The following SCOC variants were observed in gnomAD, a reference collection of about 807,000 sequenced individuals.
SCOC encodes the protein short coiled coil protein.
Under a neutral mutation model 9.9 loss-of-function variants are expected in SCOC, and 7 were observed. The observed-to-expected ratio is 0.71, with a 90% confidence interval of 0.40 to 1.33. The LOEUF (loss-of-function observed/expected upper bound fraction) is 1.33. Among genes scored for constraint, SCOC ranks in the 40% most tolerant of loss-of-function variants. The probability of loss-of-function intolerance (pLI) is 0.01; values close to 1 mark genes in which losing one functional copy is unlikely to be tolerated. For missense variants in SCOC, 66 were observed against 89.7 expected (o/e 0.74, Z 1.07); for synonymous variants, 19 against 28.2 (o/e 0.67, Z 1.03).
At chr4:140,367,640 A>G (rs1216596116) in intron 2 of SCOC, among the ~76,000 whole-genome samples, 1 of 152,160 alleles carries the variant, frequency 6.6e-6, no homozygotes, top group African/African-American at 2.4e-5. Context: ...AGCCTCCCAA[A>G]GTTCTGGGAT....
intron 1 of SCOC, among the ~76,000 whole-genome samples, chr4:140,261,303 T>C (rs1730627443): frequency 6.6e-6 from 1 of 152,204 alleles, no homozygotes; most frequent in Non-Finnish European, 1.5e-5. Context: ...CCTTTAGGGC[T>C]AATGAAAAGA....
At chr4:140,347,083 C>G (rs1023893721) in intron 2 of SCOC, among the ~76,000 whole-genome samples, 1 of 152,150 alleles carries the variant, frequency 6.6e-6, no homozygotes, top group Non-Finnish European at 1.5e-5. Context: ...CAGTGCCCAA[C>G]AGGTGCACAC....
intron 3 of SCOC, among the ~76,000 whole-genome samples, chr4:140,380,279 C>T (rs1029198566): frequency 6.8e-5 from 10 of 146,724 alleles, no homozygotes; most frequent in Non-Finnish European, 1.5e-4. Context: ...CTCCCTGCAA[C>T]CTCTGCCTCC....
At chr4:140,260,093 A>G (rs1356033961) in intron 1 of SCOC, among the ~76,000 whole-genome samples, 1 of 152,204 alleles carries the variant, frequency 6.6e-6, no homozygotes, top group Non-Finnish European at 1.5e-5. Context: ...CTCAGCAAAC[A>G]CTGTCCCATG....
intron 1 of SCOC, among the ~76,000 whole-genome samples, chr4:140,297,129 A>G (rs1731664349): frequency 6.6e-6 from 1 of 152,178 alleles, no homozygotes; most frequent in Non-Finnish European, 1.5e-5. Flanking sequence ...CCATGAAATA[A>G]TGTTTACTGG....
intron 1 of SCOC, among the ~76,000 whole-genome samples, chr4:140,332,136 G>A (rs1732832703): frequency 1.3e-5 from 2 of 152,128 alleles, no homozygotes; most frequent in African/African-American, 4.8e-5. Context: ...TGATCCAACC[G>A]CCTGCTACCA....
chr4:140,317,919 A>G (rs1433453136), intron 1 of SCOC, among the ~76,000 whole-genome samples: 6 of 133,180 alleles, frequency 4.5e-5, no homozygotes, highest in African/African-American at 1.4e-4. Flanking sequence ...TCATTGTTCA[A>G]TTCCCACCTA....
At chr4:140,320,111 G>A (rs1013300337) in intron 1 of SCOC, among the ~76,000 whole-genome samples, 8 of 152,190 alleles carry the variant, frequency 5.3e-5, no homozygotes, top group Non-Finnish European at 1.2e-4. Flanking sequence ...GTCTGCACAA[G>A]ATACGGATCA....
At chr4:140,286,440 C>T (rs887376611) in intron 1 of SCOC, among the ~76,000 whole-genome samples, 17 of 152,038 alleles carry the variant, frequency 1.1e-4, no homozygotes, top group Non-Finnish European at 2.1e-4. Flanking sequence ...CACTGTTGCC[C>T]CTCCCAAACT....
intron 2 of SCOC, among the ~76,000 whole-genome samples, chr4:140,359,105 G>C (rs151323048): frequency 2.2e-5 from 3 of 133,730 alleles, no homozygotes; most frequent in African/African-American, 7.6e-5. Flanking sequence ...GTTGTAGAGC[G>C]ACAGCGTTTC....
chr4:140,291,348 A>T (rs540814823), intron 1 of SCOC: 6 of 454,486 alleles, frequency 1.3e-5, no homozygotes, highest in South Asian at 9.3e-5. Context: ...AGTCCTAAAG[A>T]CTTCACGTGG....
intron 1 of SCOC, among the ~76,000 whole-genome samples, chr4:140,270,627 G>C (rs1429787146): frequency 1.3e-5 from 2 of 152,148 alleles, no homozygotes; most frequent in Admixed American, 1.3e-4. Context: ...CTGCTACCTG[G>C]CCCTGGCAAT....
At chr4:140,308,597 G>C (rs1732057853) in intron 1 of SCOC, among the ~76,000 whole-genome samples, 1 of 152,166 alleles carries the variant, frequency 6.6e-6, no homozygotes, top group Non-Finnish European at 1.5e-5. Flanking sequence ...TCGATTCTTG[G>C]AGGTTGAGAG....
Position 140,303,777 on chromosome 4 carries a change from G to A in SCOC, c.-18-39844G>A, listed in dbSNP as rs75833428. Among the ~76,000 whole-genome samples the A allele has an allele frequency of 7.1e-3, 1,082 of 152,308 alleles. 4 individuals carry two copies. Among genetic ancestry groups the A allele is most frequent in the African/African-American group, 0.011 (443 of 41,562 alleles). On this transcript the variant is annotated intron_variant, in intron 1 of 4. Coordinates refer to the SCOC transcript ENST00000394205. ...ATGGAGCTCAGTATAGTGGAACAGAGTTTCAGGGCTGTTCACTTAGAATTG... is the reference window on the plus strand; with the variant it reads ...ATGGAGCTCAGTATAGTGGAACAGAATTTCAGGGCTGTTCACTTAGAATTG...
intron 1 of SCOC, among the ~76,000 whole-genome samples, chr4:140,334,990 G>A (rs925705466): frequency 5.9e-5 from 9 of 151,978 alleles, no homozygotes; most frequent in African/African-American, 1.7e-4. Context: ...GCAACAACAC[G>A]GATGAATCTT....
Position 140,373,671 on chromosome 4 carries a change from T to C in SCOC, c.-97T>C, listed in dbSNP as rs1578880185. 4 of 1,551,150 alleles carry C rather than the reference T, an allele frequency of 2.6e-6. No homozygotes were observed. Among genetic ancestry groups the C allele is most frequent in the Non-Finnish European group, 2.6e-6 (3 of 1,146,942 alleles). Reference sequence around the variant, plus strand: ...GTCAGTTGGTCCAAGTGTCCCGGCCTGAGGTGTCGGCCGGATCCCTCCTTC... The same window carrying C: ...GTCAGTTGGTCCAAGTGTCCCGGCCCGAGGTGTCGGCCGGATCCCTCCTTC... On this transcript the variant is annotated 5_prime_UTR_variant, in exon 1 of 4. Transcript: ENST00000608372.
chr4:140,360,240 TAGA>T (rs1386830946), intron 2 of SCOC, among the ~76,000 whole-genome samples: 2 of 152,174 alleles, frequency 1.3e-5, no homozygotes, highest in African/African-American at 4.8e-5. Flanking sequence ...TTGTGGGAAA[TAGA>T]AGCTGATTTT....
At chr4:140,264,337 A>G (rs971397292) in intron 1 of SCOC, among the ~76,000 whole-genome samples, 4 of 152,124 alleles carry the variant, frequency 2.6e-5, no homozygotes, top group African/African-American at 9.7e-5. Context: ...TGGACTGCTT[A>G]CTTTTGCCTC....
In SCOC at chr4:140,383,129, C is replaced by A. The variant is rs1728621655; in HGVS notation, c.*2025C>A. ...GTGGAGACTTAGTTACATCTAGATA[C>A]AAGAGGAGCTGAGAAATGTAGTCCC... On this transcript the variant is annotated 3_prime_UTR_variant, in exon 4 of 4. Coordinates refer to ENST00000608372, the MANE Select transcript of SCOC (RefSeq NM_001153484.2). 6.6e-6 allele frequency: 1 copy of A among 152,226 alleles called. No homozygotes were observed. The highest frequency in any genetic ancestry group is 2.4e-5 in the African/African-American group (1 of 41,452). 9.4% of individuals were successfully genotyped at this position (152,226 alleles called of 1,614,324 possible). A position where few individuals can be genotyped will look rare whatever the true frequency, so the allele number is the denominator to read the frequency against.
Sources: gnomAD v4.1 joint callset for allele counts (sites outside exome capture counted in the v4.1 genomes callset) on GRCh38, gnomAD v4.1.1 for gene constraint, MANE v1.5 for transcripts, NCBI Gene and HGNC (gene_info 2026-07-23, HGNC 2026-07-21) for gene names.